The following TMEM132B variants were observed in gnomAD, a reference collection of about 807,000 sequenced individuals.
TMEM132B encodes transmembrane protein 132B.
TMEM132B carries 18 observed loss-of-function variants against 90.8 expected under a neutral mutation model. That is an observed-to-expected ratio of 0.20 (90% CI 0.14 to 0.29). The LOEUF is 0.29. TMEM132B is among the 10% of genes least tolerant of loss of function. The pLI is 1.00. For missense variants in TMEM132B, 1,096 were observed against 1,326.8 expected (o/e 0.83, Z 2.70); for synonymous variants, 504 against 523.3 (o/e 0.96, Z 0.50).
chr12:125,280,313 A>C (rs7139102), intron 1 of TMEM132B, among the ~76,000 whole-genome samples: 22,746 of 152,216 alleles, frequency 0.15, 2,080 homozygotes, highest in African/African-American at 0.25. Flanking sequence ...TTATTTGTAT[A>C]AAAACTTCAC....
At chr12:125,456,336 T>C (rs1169909878) in intron 3 of TMEM132B, among the ~76,000 whole-genome samples, 1 of 152,214 alleles carries the variant, frequency 6.6e-6, no homozygotes, top group Admixed American at 6.5e-5. Flanking sequence ...ACCATTACAG[T>C]TAAACCTGCA....
At chr12:125,334,214 T>G (rs1408108207) in intron 1 of TMEM132B, among the ~76,000 whole-genome samples, 1 of 152,200 alleles carries the variant, frequency 6.6e-6, no homozygotes, top group African/African-American at 2.4e-5. Flanking sequence ...TAAGAGCAAT[T>G]AACACATATG....
At position 125,246,578 on chromosome 12, in the gene TMEM132B, C is replaced by T. The variant is rs138986641; in HGVS notation, c.67+59712C>T. Reference sequence around the variant, plus strand: ...TGCTTCGGCATGAATGCACAACATGCGAGACTTCAGGACAAGTTCAGCGTC... The same window carrying T: ...TGCTTCGGCATGAATGCACAACATGTGAGACTTCAGGACAAGTTCAGCGTC... On this transcript the variant is annotated intron_variant, in intron 1 of 8. Transcript: ENST00000682704. This position sits in a 1 kb window ranked among gnomAD's most constrained non-coding sequence, Gnocchi z 4.2. 4.6e-4 allele frequency among the ~76,000 whole-genome samples: 70 copies of T among 152,288 alleles called. No individual in the cohort carries two copies. The highest frequency in any genetic ancestry group is 1.6e-3 in the African/African-American group (67 of 41,542).
At chr12:125,374,534 C>T (rs577456499) in intron 2 of TMEM132B, among the ~76,000 whole-genome samples, 44 of 152,084 alleles carry the variant, frequency 2.9e-4, no homozygotes, top group Admixed American at 1.8e-3. Flanking sequence ...ACAGTTGAAA[C>T]GGTGAGGCTC....
intron 1 of TMEM132B, among the ~76,000 whole-genome samples, chr12:125,331,915 G>C (rs1240239983): frequency 6.6e-6 from 1 of 151,980 alleles, no homozygotes; most frequent in Non-Finnish European, 1.5e-5. Context: ...TGTCTTGCCT[G>C]GTTATTTTTT....
intron 5 of TMEM132B, among the ~76,000 whole-genome samples, chr12:125,634,779 T>C (rs1305982744): frequency 6.6e-6 from 1 of 152,200 alleles, no homozygotes; most frequent in Non-Finnish European, 1.5e-5. Flanking sequence ...TTCTGTTGTG[T>C]CTGAGTTGCT....
chr12:125,298,673 C>CAG (rs1875732985), intron 1 of TMEM132B, among the ~76,000 whole-genome samples: 2 of 104,728 alleles, frequency 1.9e-5, no homozygotes, highest in South Asian at 7.3e-4. Flanking sequence ...GACTCTGTCT[C>CAG]AAAAAAAAAA....
chr12:125,613,594 G>A (rs558183918), intron 5 of TMEM132B, among the ~76,000 whole-genome samples: 7 of 151,734 alleles, frequency 4.6e-5, no homozygotes, highest in Non-Finnish European at 1.0e-4. Context: ...TAGTTGTTAA[G>A]AGGTTTACCA....
chr12:125,265,915 G>A (rs2136114222), intron 1 of TMEM132B, among the ~76,000 whole-genome samples: 1 of 152,120 alleles, frequency 6.6e-6, no homozygotes, highest in Admixed American at 6.5e-5. Flanking sequence ...TAGTTTTTAA[G>A]CTTAAAGGAT....
At chr12:125,640,010 C>T (rs764588716) in intron 5 of TMEM132B, among the ~76,000 whole-genome samples, 3 of 152,146 alleles carry the variant, frequency 2.0e-5, no homozygotes, top group Non-Finnish European at 4.4e-5. Flanking sequence ...CCTTAGCTTC[C>T]GGGGTCAGTC....
chr12:125,516,165 A>G (rs928250146), intron 3 of TMEM132B, among the ~76,000 whole-genome samples: 1 of 152,034 alleles, frequency 6.6e-6, no homozygotes, highest in African/African-American at 2.4e-5. Flanking sequence ...ACATTCTCAC[A>G]CACACACTCA....
At chr12:125,199,529 A>G (rs1460665177) in intron 1 of TMEM132B, among the ~76,000 whole-genome samples, 1 of 152,202 alleles carries the variant, frequency 6.6e-6, no homozygotes, top group Non-Finnish European at 1.5e-5. Flanking sequence ...CTGGGGGAAC[A>G]AGGAAGCCTA....
chr12:125,529,934 T>A (rs1034382754), intron 4 of TMEM132B, among the ~76,000 whole-genome samples: 2 of 152,212 alleles, frequency 1.3e-5, no homozygotes, highest in Non-Finnish European at 2.9e-5. Context: ...ATCTACATTC[T>A]CATATATATA....
At position 125,628,843 on chromosome 12, in the gene TMEM132B, G is replaced by T. The variant is rs548433846; in HGVS notation, c.1438-15233G>T. On this transcript the variant is annotated intron_variant, in intron 5 of 8. Coordinates refer to ENST00000682704, the MANE Select transcript of TMEM132B (RefSeq NM_001366854.1). ...TTTTTGTATATGGTAAGATATAGAGGTTTAGTTTCATTTCTCTACATATGG... is the reference window on the plus strand; with the variant it reads ...TTTTTGTATATGGTAAGATATAGAGTTTTAGTTTCATTTCTCTACATATGG... Among the ~76,000 whole-genome samples, 435 of 152,190 alleles carry T rather than the reference G, an allele frequency of 2.9e-3. 4 individuals are homozygous for T. The highest frequency in any genetic ancestry group is 4.7e-3 in the Admixed American group (72 of 15,278).
chr12:125,204,440 C>T lies in TMEM132B; in HGVS notation c.67+17574C>T, dbSNP rs1396402813. Reference sequence around the variant, plus strand: ...TCATGAATCCTTTCAATGAGGGCTCCGTGTACCAGGCACTGTGCTTAGCTC... The same window carrying T: ...TCATGAATCCTTTCAATGAGGGCTCTGTGTACCAGGCACTGTGCTTAGCTC... On this transcript the variant is annotated intron_variant, in intron 1 of 8. Coordinates refer to ENST00000682704, the MANE Select transcript of TMEM132B (RefSeq NM_001366854.1). 7.1e-5 allele frequency among the ~76,000 whole-genome samples: 9 copies of T among 126,160 alleles called. 1 individual carries two copies. Among genetic ancestry groups the T allele is most frequent in the Non-Finnish European group, 1.1e-4 (6 of 54,294 alleles). 82.8% of individuals were successfully genotyped at this position (126,160 alleles called of 152,430 possible).
chr12:125,531,587 C>T (rs944999374), intron 4 of TMEM132B, among the ~76,000 whole-genome samples: 2 of 152,122 alleles, frequency 1.3e-5, no homozygotes, highest in African/African-American at 2.4e-5. Flanking sequence ...GTATAATTAC[C>T]GTTGAGGAAG....
intron 1 of TMEM132B, among the ~76,000 whole-genome samples, chr12:125,329,218 A>G (rs2136200969): frequency 6.6e-6 from 1 of 152,356 alleles, no homozygotes; most frequent in Middle Eastern, 3.4e-3. Context: ...GGAAGAAGGC[A>G]TGCACCAGAC....
intron 3 of TMEM132B, among the ~76,000 whole-genome samples, chr12:125,422,949 G>T (rs918225408): frequency 3.3e-5 from 5 of 152,184 alleles, no homozygotes; most frequent in African/African-American, 1.2e-4. Context: ...CAGGAAACTA[G>T]ACCAGGGGCG....
chr12:125,249,099 T>A (rs1453192962), intron 1 of TMEM132B, among the ~76,000 whole-genome samples: 2 of 152,172 alleles, frequency 1.3e-5, no homozygotes, highest in African/African-American at 4.8e-5. Context: ...TTGGGATCGG[T>A]AAGACTTGTG....
Sources: gnomAD v4.1 joint callset for allele counts (sites outside exome capture counted in the v4.1 genomes callset) on GRCh38, gnomAD v4.1.1 for gene constraint, Gnocchi (gnomAD v3.1) non-coding constraint, MANE v1.5 for transcripts, NCBI Gene and HGNC (gene_info 2026-07-23, HGNC 2026-07-21) for gene names.